The following ROBO2 variants were observed in gnomAD, a reference collection of about 807,000 sequenced individuals.
ROBO2 encodes the protein roundabout homolog 2.
Under a neutral mutation model 160.8 loss-of-function variants are expected in ROBO2, and 53 were observed. The observed-to-expected ratio is 0.33, with a 90% CI of 0.26 to 0.41. ROBO2 has a LOEUF of 0.41. ROBO2 is among the 10% of genes least tolerant of loss of function. The probability of loss-of-function intolerance (pLI) is 1.00; values close to 1 mark genes in which losing one functional copy is unlikely to be tolerated. For missense variants in ROBO2, 1,577 were observed against 1,722.4 expected, an observed-to-expected ratio of 0.92 and a Z score of 1.49; for synonymous variants, 664 against 611.7, an observed-to-expected ratio of 1.09 and a Z score of -1.26.
intron 2 of ROBO2, among the ~76,000 whole-genome samples, chr3:76,084,346 T>G (rs1261962773): frequency 6.6e-6 from 1 of 152,152 alleles, no homozygotes; most frequent in Non-Finnish European, 1.5e-5. Context: ...GGAGTCCTAA[T>G]TAGTCATTTA....
At chr3:76,028,189 G>T (rs140781337) in intron 2 of ROBO2, among the ~76,000 whole-genome samples, 1 of 151,774 alleles carries the variant, frequency 6.6e-6, no homozygotes, top group Non-Finnish European at 1.5e-5. Context: ...AATAAAACAC[G>T]TGAAAGAAAT....
intron 2 of ROBO2, among the ~76,000 whole-genome samples, chr3:76,816,715 A>G (rs1246007471): frequency 1.3e-5 from 2 of 152,032 alleles, no homozygotes; most frequent in African/African-American, 4.8e-5. Context: ...CCATCCCATT[A>G]CTGGTTATAT....
intron 21 of ROBO2, among the ~76,000 whole-genome samples, chr3:77,614,544 A>G (rs2094722801): frequency 6.6e-6 from 1 of 152,170 alleles, no homozygotes; most frequent in Non-Finnish European, 1.5e-5. Flanking sequence ...AGGGCTTCTG[A>G]AACAGGGTCT....
chr3:77,589,737 C>T (rs1196550394), intron 17 of ROBO2, among the ~76,000 whole-genome samples: 1 of 152,088 alleles, frequency 6.6e-6, no homozygotes, highest in Non-Finnish European at 1.5e-5. Context: ...GAACTCAATA[C>T]TGAAGCAATG....
intron 2 of ROBO2, among the ~76,000 whole-genome samples, chr3:76,957,584 G>A (rs764691526): frequency 2.0e-5 from 3 of 152,012 alleles, no homozygotes; most frequent in Non-Finnish European, 4.4e-5. Flanking sequence ...TGTAGTCCCA[G>A]CGCTTTGGGA....
At chr3:75,988,156 G>A (rs1032803491) in intron 2 of ROBO2, among the ~76,000 whole-genome samples, 1 of 151,970 alleles carries the variant, frequency 6.6e-6, no homozygotes, top group Non-Finnish European at 1.5e-5. Context: ...AAGCTGTCAG[G>A]TCCAGGGATT....
At chr3:76,777,446 A>G (rs1041803591) in intron 2 of ROBO2, among the ~76,000 whole-genome samples, 25 of 151,202 alleles carry the variant, frequency 1.7e-4, no homozygotes, top group Admixed American at 4.0e-4. Flanking sequence ...ATTTTAAAAT[A>G]CTAGTTAGTG....
intron 2 of ROBO2, among the ~76,000 whole-genome samples, chr3:76,143,169 C>T (rs778935847): frequency 9.9e-5 from 15 of 151,864 alleles, no homozygotes; most frequent in Admixed American, 3.3e-4. Context: ...TGGGACTATA[C>T]GCATGCACCA....
intron 2 of ROBO2, among the ~76,000 whole-genome samples, chr3:77,243,269 C>T (rs1054785500): frequency 3.9e-5 from 6 of 151,960 alleles, no homozygotes; most frequent in African/African-American, 1.5e-4. Context: ...TTATTTAAGA[C>T]TAAATAAAAC....
chr3:76,248,488 T>G, intron 2 of ROBO2, among the ~76,000 whole-genome samples: 13 of 128,966 alleles, frequency 1.0e-4, no homozygotes, highest in Admixed American at 2.7e-4. Context: ...CTGGGGACTG[T>G]GGTGGGGTCG....
intron 2 of ROBO2, among the ~76,000 whole-genome samples, chr3:76,564,498 A>C (rs1294833365): frequency 6.6e-6 from 1 of 152,034 alleles, no homozygotes; most frequent in Non-Finnish European, 1.5e-5. Context: ...GAAGACAGTC[A>C]CAAGTTCATC....
chr3:77,503,263 C>T (rs1033726997), intron 5 of ROBO2, among the ~76,000 whole-genome samples: 10 of 151,462 alleles, frequency 6.6e-5, no homozygotes, highest in African/African-American at 1.2e-4. Context: ...CGGTGGCTCA[C>T]GCCTGTAATC....
intron 2 of ROBO2, among the ~76,000 whole-genome samples, chr3:77,198,976 A>G (rs899006772): frequency 2.6e-5 from 4 of 152,148 alleles, no homozygotes; most frequent in Non-Finnish European, 5.9e-5. Context: ...CTCTATGTTA[A>G]TGTCCTTGGC....
At chr3:76,813,837 C>T (rs1296902209) in intron 2 of ROBO2, among the ~76,000 whole-genome samples, 1 of 151,996 alleles carries the variant, frequency 6.6e-6, no homozygotes, top group Non-Finnish European at 1.5e-5. Context: ...GCTATTTGTA[C>T]TGATTTTTAA....
At chr3:76,684,060 C>A (rs1447309190) in intron 2 of ROBO2, among the ~76,000 whole-genome samples, 1 of 151,626 alleles carries the variant, frequency 6.6e-6, no homozygotes, top group African/African-American at 2.4e-5. Flanking sequence ...TGATTGAAAA[C>A]GAATGTATAT....
At chr3:76,442,109 G>C (rs1035438586) in intron 2 of ROBO2, among the ~76,000 whole-genome samples, 3 of 152,170 alleles carry the variant, frequency 2.0e-5, no homozygotes, top group Non-Finnish European at 4.4e-5. Flanking sequence ...ACGAGTAAGG[G>C]CTCTGGATAA....
intron 2 of ROBO2, among the ~76,000 whole-genome samples, chr3:76,779,584 A>G (rs2062497864): frequency 6.6e-6 from 1 of 150,930 alleles, no homozygotes; most frequent in Non-Finnish European, 1.5e-5. Flanking sequence ...TTCTACATAT[A>G]AGTGAAATCA....
chr3:76,529,868 G>A (rs1426205835), intron 2 of ROBO2, among the ~76,000 whole-genome samples: 1 of 152,126 alleles, frequency 6.6e-6, no homozygotes, highest in Non-Finnish European at 1.5e-5. Flanking sequence ...ATATGTGGAG[G>A]TGGCTTATTT....
chr3:76,128,426 C>T (rs1398269481), intron 2 of ROBO2, among the ~76,000 whole-genome samples: 1 of 152,222 alleles, frequency 6.6e-6, no homozygotes, highest in Non-Finnish European at 1.5e-5. Flanking sequence ...TCTTCCCTCT[C>T]AGACCAATGG....
Sources: allele counts gnomAD v4.1 joint callset (sites outside exome capture counted in the v4.1 genomes callset), GRCh38; gene constraint gnomAD v4.1.1; transcripts MANE v1.5; gene names NCBI Gene and HGNC (gene_info 2026-07-23, HGNC 2026-07-21).